KDM1B: variants seen among roughly 807,000 people sequenced by gnomAD.
The protein encoded by KDM1B is lysine demethylase 1B.
A neutral mutation model predicts 107.4 loss-of-function variants in KDM1B; 63 were observed. The observed-to-expected ratio is 0.59, with a 90% CI of 0.48 to 0.72. The LOEUF is 0.72. Ranked by LOEUF, KDM1B falls within the 30% of genes least tolerant of loss-of-function variation. The pLI is 0.00. For missense variants in KDM1B, 749 were observed against 1,020.8 expected, an observed-to-expected ratio of 0.73 and a Z score of 3.63; for synonymous variants, 363 against 363.9, an observed-to-expected ratio of 1.00 and a Z score of 0.03.
chr6:18,207,499 A>G lies in KDM1B; in HGVS notation c.1761A>G (p.Ala587=), dbSNP rs747939103. Residue 587 remains alanine (A), a synonymous_variant, in exon 16 of 22, where the codon GCA becomes GCG. Transcript: ENST00000650836. ...ACTCGGTGATAATTGAAAAACTGGC[A>G]GAAGGGCTTGACATTCAACTCAAAT... ...PGYSVIIEKL[A]EGLDIQLKSP... The G allele has an allele frequency of 6.2e-6, 10 of 1,614,252 alleles. No individual in the cohort carries two copies. The highest frequency in any genetic ancestry group is 8.5e-6 in the Non-Finnish European group (10 of 1,180,040).
At chr6:18,207,726 T>C (rs764062301) in intron 16 of KDM1B, among the ~76,000 whole-genome samples, 197 bp downstream of exon 16, 16 of 152,240 alleles carry the variant, frequency 1.1e-4, no homozygotes, top group Non-Finnish European at 1.9e-4. Context: ...GAAACCGTAG[T>C]GGCCCCAGTG....
Position 18,187,778 on chromosome 6 carries a change from C to T in KDM1B, c.574-14C>T. ...CTGTCCTTGTCTCTCTTCTTCCTGT[C>T]TGGCCCATTGCAGAGAGTATTGGAA... On this transcript the variant is annotated splice_polypyrimidine_tract_variant and intron_variant, in intron 8 of 21. Coordinates refer to ENST00000650836, the MANE Select transcript of KDM1B (RefSeq NM_001364614.2). 1 of 1,509,910 alleles carries T rather than the reference C, an allele frequency of 6.6e-7. No individual in the cohort carries two copies. The highest frequency in any genetic ancestry group is 9.0e-7 in the Non-Finnish European group (1 of 1,110,336). The allele number at this position is 1,509,910 out of a possible 1,614,324, so 93.5% of individuals were successfully genotyped here.
At chr6:18,217,201 T>C (rs1028134960) in intron 20 of KDM1B, among the ~76,000 whole-genome samples, 1 of 151,896 alleles carries the variant, frequency 6.6e-6, no homozygotes, top group Non-Finnish European at 1.5e-5. Context: ...AGTGAGGGAA[T>C]TGTGTGTGGG....
chr6:18,192,573 C>T (rs1787349526), intron 10 of KDM1B, among the ~76,000 whole-genome samples: 2 of 152,142 alleles, frequency 1.3e-5, no homozygotes, highest in African/African-American at 4.8e-5. Flanking sequence ...GATAGGTGCT[C>T]AGTAAACCAA....
rs214605 is a variant in KDM1B at position 18,204,821 on chromosome 6, A to G, written c.1532-716A>G. Among the ~76,000 whole-genome samples, 29,607 of 152,126 alleles carry G rather than the reference A, an allele frequency of 0.19. 4,411 individuals carry two copies. The highest frequency in any genetic ancestry group is 0.41 in the African/African-American group (17,186 of 41,442). ...GGATTGGGTGGGAGAAGGCATTCCC[A>G]TGAGGGAGAGTGGGAGGTCGCAGAC... On this transcript the variant is annotated intron_variant, in intron 14 of 21. Transcript: ENST00000650836. The surrounding 1 kb of genome is among the most constrained non-coding windows in gnomAD (Gnocchi z 4.9).
Position 18,187,789 on chromosome 6 carries a change from C to T in KDM1B, c.574-3C>T, listed in dbSNP as rs1786974845. On this transcript the variant is annotated splice_region_variant and splice_polypyrimidine_tract_variant and intron_variant, in intron 8 of 21. Transcript: ENST00000650836. ...TCTCTTCTTCCTGTCTGGCCCATTGCAGAGAGTATTGGAAGTTTCCAACCA... is the reference window on the plus strand; with the variant it reads ...TCTCTTCTTCCTGTCTGGCCCATTGTAGAGAGTATTGGAAGTTTCCAACCA... 1 of 1,540,750 alleles carries T rather than the reference C, an allele frequency of 6.5e-7. No individual in the cohort carries two copies. The highest frequency in any genetic ancestry group is 1.2e-5 in the South Asian group (1 of 83,828).
intron 20 of KDM1B, among the ~76,000 whole-genome samples, chr6:18,216,462 T>C (rs1170490035): frequency 1.3e-5 from 2 of 152,220 alleles, no homozygotes; most frequent in Non-Finnish European, 2.9e-5. Context: ...GTTTGTTTTT[T>C]ACATTAGTTG....
intron 7 of KDM1B, among the ~76,000 whole-genome samples, chr6:18,173,382 T>C (rs1013832915): frequency 2.0e-5 from 3 of 152,222 alleles, no homozygotes; most frequent in African/African-American, 7.2e-5. Context: ...TTGGGTTTTA[T>C]TGATTTGTAG....
Position 18,159,397 on chromosome 6 carries a change from T to G in KDM1B, c.-13-486T>G, listed in dbSNP as rs2150752646. ...TGAATTTTATAAACATAGTGTGGTT[T>G]GTTTATTGGTCATTCATGTGGCATG... On this transcript the variant is annotated intron_variant, in intron 2 of 21. Transcript: ENST00000650836. This position sits in a 1 kb window ranked among gnomAD's most constrained non-coding sequence, Gnocchi z 4.5. 3.3e-5 allele frequency among the ~76,000 whole-genome samples: 5 copies of G among 152,342 alleles called. No homozygotes were observed. In the South Asian group the frequency reaches 1.0e-3, roughly 32 times the overall value.
chr6:18,160,235 G>A (rs1386568377), intron 3 of KDM1B, among the ~76,000 whole-genome samples: 2 of 152,176 alleles, frequency 1.3e-5, no homozygotes, highest in Non-Finnish European at 2.9e-5. Context: ...AGAGATTCAC[G>A]GCTGTGTGGT....
chr6:18,213,333 T>C lies in KDM1B; in HGVS notation c.1984-323T>C, dbSNP rs777420719. ...CACCTGTAATCCCAGCTACTTGGGA[T>C]GCTGAGGCAGGAGAATCACTCGAAA... On this transcript the variant is annotated intron_variant, in intron 18 of 21. Coordinates refer to ENST00000650836, the MANE Select transcript of KDM1B (RefSeq NM_001364614.2). This position sits in a 1 kb window ranked among gnomAD's most constrained non-coding sequence, Gnocchi z 5.9. 6.6e-6 allele frequency among the ~76,000 whole-genome samples: 1 copy of C among 151,564 alleles called. No homozygotes were observed. Among genetic ancestry groups the C allele is most frequent in the African/African-American group, 2.4e-5 (1 of 41,246 alleles).
Position 18,206,588 on chromosome 6 carries a change from AT to A in KDM1B, c.1660-809del, listed in dbSNP as rs368132056. 8.5e-5 allele frequency among the ~76,000 whole-genome samples: 13 copies of A among 152,094 alleles called. 1 individual carries two copies. The highest frequency in any genetic ancestry group is 2.9e-4 in the African/African-American group (12 of 41,496). ...GGGCTGAATCAGATCAGGGTCTCTT[AT>A]GTTTTTCTTATTTTTTGTAGAGATG... is the stretch of plus-strand genomic sequence containing the variant. On this transcript the variant is annotated intron_variant, in intron 15 of 21. Coordinates refer to ENST00000650836, the MANE Select transcript of KDM1B (RefSeq NM_001364614.2).
chr6:18,169,259 G>A (rs1289177310), intron 6 of KDM1B, among the ~76,000 whole-genome samples: 1 of 147,058 alleles, frequency 6.8e-6, no homozygotes, highest in African/African-American at 2.5e-5. Context: ...TTGAGATGGA[G>A]TTTCGCTCTT....
intron 2 of KDM1B, among the ~76,000 whole-genome samples, chr6:18,158,772 C>A (rs1455311492): frequency 6.6e-6 from 1 of 152,118 alleles, no homozygotes; most frequent in African/African-American, 2.4e-5. Context: ...TCTTTCATAG[C>A]TGCTACACAT....
chr6:18,175,642 T>G (rs1026031713), intron 7 of KDM1B, among the ~76,000 whole-genome samples: 14 of 152,138 alleles, frequency 9.2e-5, no homozygotes, highest in Non-Finnish European at 2.1e-4. Context: ...CTTGAGTTGA[T>G]TTTTGTGTGA....
chr6:18,178,612 C>G (rs192409115), intron 7 of KDM1B, among the ~76,000 whole-genome samples: 1 of 151,552 alleles, frequency 6.6e-6, no homozygotes, highest in South Asian at 2.1e-4. Context: ...AGGCTGGTCT[C>G]GAACTCCTGA....
At chr6:18,190,760 TGTG>T (rs1453450446) in intron 9 of KDM1B, among the ~76,000 whole-genome samples, 2 of 151,642 alleles carry the variant, frequency 1.3e-5, no homozygotes, top group African/African-American at 2.4e-5. Context: ...ATTAGCCAGA[TGTG>T]GTGGCGAGCA....
At chr6:18,195,393 A>G (rs1214369767) in intron 10 of KDM1B, among the ~76,000 whole-genome samples, 3 of 152,214 alleles carry the variant, frequency 2.0e-5, no homozygotes, top group African/African-American at 7.2e-5. Context: ...AGAAATTTAA[A>G]CATTGTATTT....
At chr6:18,185,223 G>A (rs933587710) in intron 7 of KDM1B, among the ~76,000 whole-genome samples, 2 of 151,792 alleles carry the variant, frequency 1.3e-5, no homozygotes, top group East Asian at 1.9e-4. Flanking sequence ...TTTTGTCACC[G>A]CCCTTCGTGG....
Sources: gnomAD v4.1 joint callset for allele counts (sites outside exome capture counted in the v4.1 genomes callset) on GRCh38, gnomAD v4.1.1 for gene constraint, Gnocchi (gnomAD v3.1) non-coding constraint, MANE v1.5 for transcripts, NCBI Gene and HGNC (gene_info 2026-07-23, HGNC 2026-07-21) for gene names.